Variants in PAK1 observed in about 807,000 individuals in gnomAD.
The protein encoded by PAK1 is serine/threonine-protein kinase PAK 1.
Under a neutral mutation model 67.4 loss-of-function variants are expected in PAK1, and 29 were observed. The observed-to-expected ratio is 0.43, with a 90% CI of 0.32 to 0.59. The LOEUF (loss-of-function observed/expected upper bound fraction) is 0.59. Ranked by LOEUF, PAK1 falls within the 20% of genes least tolerant of loss-of-function variation. The pLI is 0.07. For missense variants in PAK1, 337 were observed against 670.7 expected, an observed-to-expected ratio of 0.50 and a Z score of 5.50; for synonymous variants, 223 against 237.4, an observed-to-expected ratio of 0.94 and a Z score of 0.56.
At chr11:77,390,769 T>C (rs754649561) in intron 2 of PAK1, among the ~76,000 whole-genome samples, 3 of 150,428 alleles carry the variant, frequency 2.0e-5, no homozygotes, top group Non-Finnish European at 4.4e-5. Context: ...CCCAAAGTGT[T>C]GGGATTACAG....
At chr11:77,349,512 T>C in intron 8 of PAK1, 1 of 536,702 alleles carries the variant, frequency 1.9e-6, no homozygotes, top group Non-Finnish European at 3.4e-6. Context: ...CTGGTACTTC[T>C]ACCTAGTACC....
chr11:77,463,738 A>G (rs1221881749), intron 1 of PAK1, among the ~76,000 whole-genome samples: 2 of 152,160 alleles, frequency 1.3e-5, no homozygotes, highest in African/African-American at 4.8e-5. Context: ...GTCCCTTCGG[A>G]TTAACTAGGA....
chr11:77,437,071 A>T (rs1956159115), intron 1 of PAK1, among the ~76,000 whole-genome samples: 1 of 152,186 alleles, frequency 6.6e-6, no homozygotes. Flanking sequence ...AAAACAATGA[A>T]TTGGGATAAC....
At chr11:77,494,568 C>T in the PAK1 span, among the ~76,000 whole-genome samples, 1 of 145,848 alleles carries the variant, frequency 6.9e-6, no homozygotes, top group Non-Finnish European at 1.5e-5. Flanking sequence ...GATGTCAGCA[C>T]ACCTGTTAGG....
intron 1 of PAK1, among the ~76,000 whole-genome samples, chr11:77,472,168 A>G (rs1957890181): frequency 6.6e-6 from 1 of 152,246 alleles, no homozygotes; most frequent in African/African-American, 2.4e-5. Context: ...GGATAAACGA[A>G]TTGACTGAAT....
At chr11:77,438,444 G>C (rs923079986) in intron 1 of PAK1, among the ~76,000 whole-genome samples, 3 of 152,130 alleles carry the variant, frequency 2.0e-5, no homozygotes, top group Admixed American at 1.3e-4. Context: ...TGTATCAAAG[G>C]CTTGCCTCCA....
chr11:77,430,098 CT>C (rs1955791378), intron 1 of PAK1, among the ~76,000 whole-genome samples: 1 of 152,096 alleles, frequency 6.6e-6, no homozygotes, highest in Non-Finnish European at 1.5e-5. Flanking sequence ...AGACTAGACT[CT>C]TTCTGAACCT....
At chr11:77,466,602 C>CA (rs35876101) in intron 1 of PAK1, among the ~76,000 whole-genome samples, 2,120 of 131,306 alleles carry the variant, frequency 0.016, 39 homozygotes, top group African/African-American at 0.053. Context: ...GACTCCATCT[C>CA]AAAAAAAAAA....
chr11:77,436,209 TTA>T (rs1956124191), intron 1 of PAK1, among the ~76,000 whole-genome samples: 1 of 152,198 alleles, frequency 6.6e-6, no homozygotes, highest in Non-Finnish European at 1.5e-5. Flanking sequence ...CAGCAGACAC[TTA>T]CTCTATGGTT....
intron 2 of PAK1, among the ~76,000 whole-genome samples, chr11:77,387,649 T>C (rs1443702916): frequency 6.6e-6 from 1 of 152,270 alleles, no homozygotes; most frequent in Non-Finnish European, 1.5e-5. Context: ...TGCATTTTAG[T>C]TTAGAAAATG....
chr11:77,443,695 A>G (rs572611573), intron 1 of PAK1, among the ~76,000 whole-genome samples: 3 of 152,292 alleles, frequency 2.0e-5, no homozygotes, highest in African/African-American at 7.2e-5. Context: ...TTTTTCCATT[A>G]ATTCAGTAAG....
upstream of PAK1, among the ~76,000 whole-genome samples, chr11:77,477,582 C>CAAAAAAAAAA (rs1958073269): frequency 2.2e-5 from 1 of 45,294 alleles, no homozygotes; most frequent in Admixed American, 2.4e-4. Context: ...AAAAAAAAAC[C>CAAAAAAAAAA]CAAATACAAA....
At chr11:77,337,560 C>A in intron 11 of PAK1, 137 bp from the exon 12 acceptor site, 1 of 465,024 alleles carries the variant, frequency 2.2e-6, no homozygotes. Flanking sequence ...AGGACTTGCC[C>A]CAAATCAATC....
intron 1 of PAK1, among the ~76,000 whole-genome samples, chr11:77,404,063 C>T (rs1953098477): frequency 6.6e-6 from 1 of 152,150 alleles, no homozygotes; most frequent in Admixed American, 6.5e-5. Context: ...AGGCCCTCAC[C>T]AGATGCAGGT....
chr11:77,340,677 T>C lies in PAK1; in HGVS notation c.1085A>G (p.Asp362Gly), dbSNP rs1174509789. 1.2e-6 allele frequency: 2 copies of C among 1,608,628 alleles called. No individual in the cohort carries two copies. Among genetic ancestry groups the C allele is most frequent in the Non-Finnish European group, 1.7e-6 (2 of 1,174,978 alleles). The part of the protein sequence containing the change: ...LTDVVTETCM[D>G]EGQIAAVCRE... ...GCACACAGCTGCAATTTGGCCTTCATCCATGCAAGTTTCTGTCACCACATC... is the reference window on the plus strand; with the variant it reads ...GCACACAGCTGCAATTTGGCCTTCACCCATGCAAGTTTCTGTCACCACATC... Residue 362 changes from aspartate (D) to glycine (G), a missense_variant, in exon 11 of 15, where the codon GAT becomes GGT. By Grantham distance (94) the Asp-to-Gly change is moderately conservative (BLOSUM62 -1). Around this residue, in one of 8 missense-constraint regions of PAK1, gnomAD observed 25 missense variants for 47.6 expected, o/e 0.53. Transcript: ENST00000356341.
At chr11:77,383,575 T>A (rs1592128295) in intron 2 of PAK1, among the ~76,000 whole-genome samples, 1 of 152,178 alleles carries the variant, frequency 6.6e-6, no homozygotes, top group Non-Finnish European at 1.5e-5. Flanking sequence ...TCCACCCACC[T>A]TGGCCTCCCA....
At chr11:77,474,258 C>T (rs1183525559), upstream of PAK1, 1 of 151,616 alleles carries the variant, frequency 6.6e-6, no homozygotes, top group East Asian at 2.0e-4. Flanking sequence ...GTGCCCGCCC[C>T]GCCTCCCGCA....
intron 1 of PAK1, among the ~76,000 whole-genome samples, chr11:77,443,259 G>A (rs1565706863): frequency 6.7e-6 from 1 of 149,556 alleles, no homozygotes; most frequent in Non-Finnish European, 1.5e-5. Context: ...AGGTTGCAGT[G>A]AGCCGTGATC....
chr11:77,389,021 T>C (rs1402676554), intron 2 of PAK1, among the ~76,000 whole-genome samples: 1 of 152,174 alleles, frequency 6.6e-6, no homozygotes, highest in African/African-American at 2.4e-5. Flanking sequence ...CAAAATCAAT[T>C]TTAGAACATT....
Sources: gnomAD v4.1 joint callset for allele counts (sites outside exome capture counted in the v4.1 genomes callset) on GRCh38, gnomAD v4.1.1 for gene constraint, gnomAD v4.1.1 regional missense constraint, MANE v1.5 for transcripts, NCBI Gene and HGNC (gene_info 2026-07-23, HGNC 2026-07-21) for gene names.